Variants in VOPP1 observed in about 807,000 individuals in gnomAD.
The protein encoded by VOPP1 is VOPP1 WW domain binding protein, also known as WW domain binding protein VOPP1.
VOPP1 carries 8 observed loss-of-function variants against 23.5 expected under a neutral mutation model. The ratio of observed to expected loss-of-function variants is 0.34; its 90% CI spans 0.20 to 0.61. The LOEUF (loss-of-function observed/expected upper bound fraction) is 0.61. VOPP1 is among the 20% of genes least tolerant of loss of function. The pLI, the probability that VOPP1 is intolerant of heterozygous loss-of-function variation, is 0.78. For missense variants in VOPP1, 174 were observed against 238.1 expected (o/e 0.73, Z 1.77); for synonymous variants, 83 against 97.3 (o/e 0.85, Z 0.86).
chr7:55,560,777 C>G (rs1265896894), intron 1 of VOPP1, among the ~76,000 whole-genome samples: 1 of 152,196 alleles, frequency 6.6e-6, no homozygotes, highest in East Asian at 1.9e-4. Context: ...TTCTCTGCAC[C>G]TGTCCCATAC....
intron 2 of VOPP1, among the ~76,000 whole-genome samples, chr7:55,519,989 G>A (rs1183577739): frequency 4.6e-5 from 7 of 152,138 alleles, no homozygotes; most frequent in East Asian, 1.9e-4. Flanking sequence ...TTAGCTGGGC[G>A]TGGTGGCACA....
intron 1 of VOPP1, chr7:55,537,493 G>T: frequency 6.5e-7 from 1 of 1,536,136 alleles, no homozygotes; most frequent in Non-Finnish European, 8.7e-7. Context: ...CACCAGCCGA[G>T]CAAGCACCTG....
intron 4 of VOPP1, among the ~76,000 whole-genome samples, chr7:55,446,464 G>C (rs2129000595): frequency 6.6e-6 from 1 of 152,246 alleles, no homozygotes; most frequent in Non-Finnish European, 1.5e-5. Flanking sequence ...TTCTTCTCTG[G>C]TCCTGTCAGC....
intron 1 of VOPP1, among the ~76,000 whole-genome samples, chr7:55,540,697 C>T (rs1287808565): frequency 6.6e-6 from 1 of 152,228 alleles, no homozygotes; most frequent in Non-Finnish European, 1.5e-5. Context: ...TCACAGAGCA[C>T]TCACCTGCAG....
intron 4 of VOPP1, among the ~76,000 whole-genome samples, chr7:55,453,861 T>C (rs938880525): frequency 7.9e-5 from 12 of 152,210 alleles, no homozygotes; most frequent in Non-Finnish European, 1.6e-4. Context: ...TAAAGCGAAG[T>C]ACAATAAAGT....
intron 1 of VOPP1, among the ~76,000 whole-genome samples, chr7:55,542,560 C>A (rs1473963377): frequency 6.6e-6 from 1 of 152,122 alleles, no homozygotes; most frequent in South Asian, 2.1e-4. Flanking sequence ...GAGGCCGAGG[C>A]GGGCAGATCA....
chr7:55,554,662 T>G (rs954875380), intron 1 of VOPP1, among the ~76,000 whole-genome samples: 6 of 152,262 alleles, frequency 3.9e-5, no homozygotes, highest in Non-Finnish European at 7.4e-5. Context: ...ACAGAACCAA[T>G]GGGCGGAGCT....
chr7:55,505,572 G>A (rs189486379), intron 2 of VOPP1, among the ~76,000 whole-genome samples: 4 of 150,664 alleles, frequency 2.7e-5, no homozygotes, highest in Middle Eastern at 3.4e-3. Flanking sequence ...AAATGGGCAC[G>A]TGCATTTTAT....
At chr7:55,473,605 T>A (rs541971377) in intron 4 of VOPP1, among the ~76,000 whole-genome samples, 3 of 152,246 alleles carry the variant, frequency 2.0e-5, no homozygotes, top group Admixed American at 2.0e-4. Flanking sequence ...AGTGACAAGC[T>A]GAGGAGCAGG....
intron 2 of VOPP1, among the ~76,000 whole-genome samples, chr7:55,507,084 G>C (rs1052537586): frequency 6.6e-6 from 1 of 152,228 alleles, no homozygotes; most frequent in African/African-American, 2.4e-5. Context: ...TGAGGCAGCA[G>C]AAGTCCCAGC....
chr7:55,563,692 A>G (rs148049966), intron 1 of VOPP1, among the ~76,000 whole-genome samples: 1,662 of 152,348 alleles, frequency 0.011, 11 homozygotes, highest in Middle Eastern at 0.024. Context: ...TTGTGTGCAC[A>G]AAACAATGTT....
intron 4 of VOPP1, among the ~76,000 whole-genome samples, chr7:55,448,440 G>A (rs1315650669): frequency 6.6e-6 from 1 of 152,170 alleles, no homozygotes; most frequent in Non-Finnish European, 1.5e-5. Context: ...TGGGATGGGC[G>A]TACAGTGTGT....
chr7:55,445,208 CACACACAGACACACACACACAG>C (rs1562878528), intron 4 of VOPP1, among the ~76,000 whole-genome samples: 1 of 135,572 alleles, frequency 7.4e-6, no homozygotes, highest in Non-Finnish European at 1.6e-5. Context: ...TCTCTACACA[CACACACAGACACACACACACAG>C]ACACACACAC....
chr7:55,453,724 C>T (rs1182102838), intron 4 of VOPP1, among the ~76,000 whole-genome samples: 6 of 152,026 alleles, frequency 3.9e-5, no homozygotes, highest in Admixed American at 3.9e-4. Context: ...ATGTGAATTA[C>T]CAAATGAGAC....
At chr7:55,560,961 C>G (rs1397719857) in intron 1 of VOPP1, among the ~76,000 whole-genome samples, 1 of 152,190 alleles carries the variant, frequency 6.6e-6, no homozygotes, top group African/African-American at 2.4e-5. Context: ...CCGCGTCAAT[C>G]CCCAGTCTGG....
chr7:55,513,715 G>A (rs1296800201), intron 2 of VOPP1, among the ~76,000 whole-genome samples: 1 of 152,162 alleles, frequency 6.6e-6, no homozygotes, highest in Non-Finnish European at 1.5e-5. Flanking sequence ...GGGTTTCCCG[G>A]CATTCTGAGA....
At chr7:55,505,540 G>T (rs118008025) in intron 2 of VOPP1, among the ~76,000 whole-genome samples, 1 of 151,672 alleles carries the variant, frequency 6.6e-6, no homozygotes, top group African/African-American at 2.4e-5. Context: ...GGAGCAGATC[G>T]GTTTCAGCAT....
intron 3 of VOPP1, 45 bp downstream of exon 3, chr7:55,497,568 G>GC (rs1583922047): frequency 2.0e-5 from 22 of 1,113,926 alleles, no homozygotes; most frequent in Non-Finnish European, 2.8e-5. Flanking sequence ...GGGGGGGGGG[G>GC]GGCAGAGCTC....
intron 2 of VOPP1, among the ~76,000 whole-genome samples, chr7:55,506,382 C>A (rs1171799160): frequency 6.6e-6 from 1 of 152,266 alleles, no homozygotes; most frequent in Non-Finnish European, 1.5e-5. Context: ...GTGGCCCAGG[C>A]TGGAGTGCAG....
Sources: gnomAD v4.1 joint callset for allele counts (sites outside exome capture counted in the v4.1 genomes callset) on GRCh38, gnomAD v4.1.1 for gene constraint, MANE v1.5 for transcripts, NCBI Gene and HGNC (gene_info 2026-07-23, HGNC 2026-07-21) for gene names.